The following PDE10A variants were observed in gnomAD, a reference collection of about 807,000 sequenced individuals.
PDE10A encodes the protein phosphodiesterase 10A.
In PDE10A, 39 loss-of-function variants were observed where a neutral mutation model predicts 97.7. The ratio of observed to expected loss-of-function variants is 0.40; its 90% CI spans 0.31 to 0.52. The LOEUF is 0.52. PDE10A is among the 20% of genes least tolerant of loss of function. The pLI is 0.56. For synonymous variants in PDE10A, 371 were observed against 376.8 expected (o/e 0.98, Z 0.18); for missense variants, 731 against 1,047.8 (o/e 0.70, Z 4.17).
chr6:165,437,336 T>C (rs1399421789), intron 5 of PDE10A, among the ~76,000 whole-genome samples: 2 of 152,202 alleles, frequency 1.3e-5, no homozygotes, highest in African/African-American at 4.8e-5. Flanking sequence ...GACTATCTTA[T>C]ACATTCCTAC....
intron 1 of PDE10A, among the ~76,000 whole-genome samples, chr6:165,817,545 C>A (rs1453801186): frequency 6.6e-6 from 1 of 152,026 alleles, no homozygotes; most frequent in Non-Finnish European, 1.5e-5. Flanking sequence ...TACCCCTGAC[C>A]CTAGGTGTCT....
chr6:165,817,020 G>T (rs1015227446), intron 1 of PDE10A, among the ~76,000 whole-genome samples: 1 of 152,126 alleles, frequency 6.6e-6, no homozygotes, highest in Non-Finnish European at 1.5e-5. Flanking sequence ...AGTGTTAGGG[G>T]GAAGAAAAGG....
chr6:165,712,487 T>A (rs1476725032), intron 1 of PDE10A, among the ~76,000 whole-genome samples: 1 of 152,182 alleles, frequency 6.6e-6, no homozygotes, highest in Non-Finnish European at 1.5e-5. Flanking sequence ...GCCCCTGGCA[T>A]CTTCCATTAA....
intron 1 of PDE10A, among the ~76,000 whole-genome samples, chr6:165,818,940 A>G (rs1779492560): frequency 6.6e-6 from 1 of 152,232 alleles, no homozygotes; most frequent in South Asian, 2.1e-4. Flanking sequence ...TCAATTTCCT[A>G]ATTTGTTTAT....
intron 1 of PDE10A, among the ~76,000 whole-genome samples, chr6:165,917,085 T>C (rs892919738): frequency 2.6e-5 from 4 of 152,212 alleles, no homozygotes; most frequent in Non-Finnish European, 4.4e-5. Context: ...TCAGCTTTTC[T>C]GAAATTCCTT....
In PDE10A at chr6:165,336,184, G is replaced by A; in HGVS notation, c.3004C>T (p.Pro1002Ser). ...QLGFYNAVAI[P>S]CYTTLTQILP... ...ATCTGGGTAAGGGTTGTATAGCAGG[G>A]AATGGCCACGGCATTGTAGAACCCA... Residue 1002 changes from proline (P) to serine (S), a missense_variant, in exon 21 of 22, where the codon CCC becomes TCC. This residue lies in a region of PDE10A where 96 missense variants were observed against 156.7 expected (regional missense o/e 0.61). Coordinates refer to ENST00000539869, the MANE Select transcript of PDE10A (RefSeq NM_001385079.1). 6.2e-7 allele frequency: 1 copy of A among 1,613,986 alleles called. No homozygotes were observed. Among genetic ancestry groups the A allele is most frequent in the Non-Finnish European group, 8.5e-7 (1 of 1,179,920 alleles).
At chr6:165,475,293 T>C (rs1779232706) in intron 3 of PDE10A, among the ~76,000 whole-genome samples, 1 of 152,206 alleles carries the variant, frequency 6.6e-6, no homozygotes, top group African/African-American at 2.4e-5. Context: ...TTCAGAAATT[T>C]CTTAAATGCA....
chr6:165,819,727 G>A lies in PDE10A; in HGVS notation c.-615+167802C>T, dbSNP rs1437237064. 1.3e-5 allele frequency among the ~76,000 whole-genome samples: 2 copies of A among 152,266 alleles called. No homozygotes were observed. The highest frequency in any genetic ancestry group is 4.1e-4 in the South Asian group (2 of 4,822). Reference sequence around the variant, plus strand: ...CCACGTACTCCTCACCCGCCCTCCCGCTGTGAGCACATTCCGGCCAGGATC... The same window carrying A: ...CCACGTACTCCTCACCCGCCCTCCCACTGTGAGCACATTCCGGCCAGGATC... On this transcript the variant is annotated intron_variant, in intron 1 of 19. Coordinates refer to the PDE10A transcript ENST00000366882. This position sits in a 1 kb window ranked among gnomAD's most constrained non-coding sequence, Gnocchi z 4.2.
chr6:165,723,729 T>C (rs1249177711), intron 1 of PDE10A, among the ~76,000 whole-genome samples: 1 of 152,236 alleles, frequency 6.6e-6, no homozygotes, highest in South Asian at 2.1e-4. Flanking sequence ...TTTAACTATC[T>C]CATTTTTAGC....
chr6:165,859,813 A>G (rs1039078654), intron 1 of PDE10A, among the ~76,000 whole-genome samples: 1 of 152,094 alleles, frequency 6.6e-6, no homozygotes, highest in Admixed American at 6.6e-5. Flanking sequence ...TGGTTGATTG[A>G]TGGTAAAGAA....
intron 1 of PDE10A, among the ~76,000 whole-genome samples, chr6:165,861,206 A>C (rs184442090): frequency 6.6e-6 from 1 of 152,210 alleles, no homozygotes; most frequent in South Asian, 2.1e-4. Context: ...TGGAAGAGAA[A>C]GCTGGAGTGC....
chr6:165,422,270 T>C (rs1444008836), intron 10 of PDE10A, among the ~76,000 whole-genome samples: 8 of 151,156 alleles, frequency 5.3e-5, no homozygotes, highest in Admixed American at 5.3e-4. Context: ...TACACACACA[T>C]ACGCATACAC....
At chr6:165,490,617 T>A (rs1331421761) in intron 2 of PDE10A, among the ~76,000 whole-genome samples, 2 of 152,130 alleles carry the variant, frequency 1.3e-5, no homozygotes, top group African/African-American at 4.8e-5. Context: ...TAACATTGAA[T>A]GCAAATGGCC....
intron 1 of PDE10A, among the ~76,000 whole-genome samples, chr6:165,695,016 A>G (rs9364810): frequency 0.098 from 14,952 of 152,196 alleles, 1,216 homozygotes; most frequent in East Asian, 0.26. Flanking sequence ...AATTACATTT[A>G]TTTTATAGCC....
At chr6:165,514,710 T>C (rs572948287) in intron 2 of PDE10A, among the ~76,000 whole-genome samples, 1 of 152,206 alleles carries the variant, frequency 6.6e-6, no homozygotes, top group Non-Finnish European at 1.5e-5. Flanking sequence ...AGTGAGTCCC[T>C]GCAACTGCAG....
chr6:165,756,155 G>C (rs143641894), intron 1 of PDE10A, among the ~76,000 whole-genome samples: 1 of 152,206 alleles, frequency 6.6e-6, no homozygotes, highest in East Asian at 1.9e-4. Flanking sequence ...AAAATTATTT[G>C]ACAAAAAGGT....
intron 2 of PDE10A, among the ~76,000 whole-genome samples, chr6:165,499,726 A>C (rs1780755047): frequency 6.6e-6 from 1 of 152,180 alleles, no homozygotes; most frequent in African/African-American, 2.4e-5. Flanking sequence ...ATAATGTTCC[A>C]TTTTTGCTCA....
At chr6:165,596,306 C>T (rs1030285089) in intron 1 of PDE10A, among the ~76,000 whole-genome samples, 6 of 152,238 alleles carry the variant, frequency 3.9e-5, no homozygotes, top group African/African-American at 1.4e-4. Context: ...CACCACCAGC[C>T]CTTGCCTGGT....
At position 165,640,146 on chromosome 6, in the gene PDE10A, A is replaced by G. The variant is rs1025093325; in HGVS notation, c.865+21801T>C. Among the ~76,000 whole-genome samples the G allele has an allele frequency of 2.0e-5, 3 of 151,994 alleles. No homozygotes were observed. The South Asian group carries it at 6.2e-4, about 32-fold the overall frequency. Reference sequence around the variant, plus strand: ...AGTTGCATGCATGTAACTCTTTCCCATTAGGGTATAGGAAATGCAGACTTA... The same window carrying G: ...AGTTGCATGCATGTAACTCTTTCCCGTTAGGGTATAGGAAATGCAGACTTA... On this transcript the variant is annotated intron_variant, in intron 1 of 21. Transcript: ENST00000539869.
Sources: gnomAD v4.1 joint callset for allele counts (sites outside exome capture counted in the v4.1 genomes callset) on GRCh38, gnomAD v4.1.1 for gene constraint, gnomAD v4.1.1 regional missense constraint, Gnocchi (gnomAD v3.1) non-coding constraint, MANE v1.5 for transcripts, NCBI Gene and HGNC (gene_info 2026-07-23, HGNC 2026-07-21) for gene names.